Variants in FMN1 observed in about 807,000 individuals in gnomAD.
FMN1 encodes the protein formin 1, also known as formin-1.
In FMN1, 110 loss-of-function variants were observed where a neutral mutation model predicts 132.4. The observed-to-expected ratio is 0.83, with a 90% CI of 0.71 to 0.97. FMN1 has a LOEUF of 0.97. Ranked by LOEUF, FMN1 falls within the 50% of genes least tolerant of loss-of-function variation. FMN1 has a pLI of 0.00. For missense variants in FMN1, 1,792 were observed against 1,705.3 expected, an observed-to-expected ratio of 1.05 and a Z score of -0.90; for synonymous variants, 722 against 651.7, an observed-to-expected ratio of 1.11 and a Z score of -1.64.
intron 7 of FMN1, among the ~76,000 whole-genome samples, chr15:33,000,068 A>AAAC (rs1199652479): frequency 6.6e-6 from 1 of 152,182 alleles, no homozygotes; most frequent in Admixed American, 6.5e-5. Context: ...CTGAAAACCT[A>AAAC]AACACATTGC....
At chr15:32,994,098 A>G (rs529739575) in intron 7 of FMN1, among the ~76,000 whole-genome samples, 1 of 152,176 alleles carries the variant, frequency 6.6e-6, no homozygotes, top group East Asian at 1.9e-4. Flanking sequence ...GCCATCATCG[A>G]TCAGTGAGAT....
intron 19 of FMN1, among the ~76,000 whole-genome samples, chr15:32,785,158 G>A (rs934461580): frequency 6.9e-5 from 6 of 87,524 alleles, no homozygotes; most frequent in Non-Finnish European, 1.2e-4. Flanking sequence ...GTGTGTATAC[G>A]TACGTGTGTG....
intron 4 of FMN1, among the ~76,000 whole-genome samples, chr15:33,102,776 G>A (rs754250898): frequency 6.6e-6 from 1 of 152,032 alleles, no homozygotes; most frequent in African/African-American, 2.4e-5. Flanking sequence ...ACTGACATTG[G>A]TTTTATTTCA....
chr15:32,954,045 G>C (rs1284112458), intron 9 of FMN1, among the ~76,000 whole-genome samples: 1 of 152,138 alleles, frequency 6.6e-6, no homozygotes, highest in Non-Finnish European at 1.5e-5. Flanking sequence ...TAGAAGTTAA[G>C]GTCAGAGGGG....
At chr15:32,926,314 T>C in intron 9 of FMN1, 53 bp from the exon 10 acceptor site, 1 of 1,021,518 alleles carries the variant, frequency 9.8e-7, no homozygotes, top group South Asian at 1.6e-5. Flanking sequence ...CCATGCAGTC[T>C]TTCAGGACGC....
chr15:32,835,215 T>TCA (rs1356101299), intron 17 of FMN1, among the ~76,000 whole-genome samples: 1 of 152,176 alleles, frequency 6.6e-6, no homozygotes, highest in African/African-American at 2.4e-5. Context: ...GACCACGTAA[T>TCA]CACAGATACT....
At chr15:33,065,621 ATG>A (rs1439989604) in intron 5 of FMN1, among the ~76,000 whole-genome samples, 1 of 152,218 alleles carries the variant, frequency 6.6e-6, no homozygotes, top group African/African-American at 2.4e-5. Context: ...AACTAGGAGA[ATG>A]TTATATTGTG....
chr15:32,930,509 T>A (rs371014600), intron 9 of FMN1, among the ~76,000 whole-genome samples: 3 of 152,138 alleles, frequency 2.0e-5, no homozygotes, highest in African/African-American at 7.2e-5. Flanking sequence ...ATGTTGAGCA[T>A]CTTTTCCTTA....
At chr15:32,887,370 G>A (rs2059921034) in intron 16 of FMN1, among the ~76,000 whole-genome samples, 1 of 152,098 alleles carries the variant, frequency 6.6e-6, no homozygotes, top group Non-Finnish European at 1.5e-5. Flanking sequence ...TCCAAGGCAA[G>A]TATTTATATT....
intron 12 of FMN1, among the ~76,000 whole-genome samples, chr15:32,902,965 G>T (rs181907466): frequency 6.6e-6 from 1 of 152,156 alleles, no homozygotes; most frequent in African/African-American, 2.4e-5. Context: ...AACTCATAAC[G>T]TCATTACCAA....
intron 17 of FMN1, among the ~76,000 whole-genome samples, chr15:32,819,886 A>C (rs1445185692): frequency 3.3e-5 from 5 of 152,208 alleles, no homozygotes; most frequent in Non-Finnish European, 7.3e-5. Context: ...TGAAATTAAA[A>C]ATGTAAATGT....
chr15:32,985,932 C>T (rs1255827169), intron 7 of FMN1, among the ~76,000 whole-genome samples: 2 of 152,060 alleles, frequency 1.3e-5, no homozygotes, highest in Non-Finnish European at 2.9e-5. Context: ...ACTTCAATAA[C>T]ATTAAGGGGC....
At chr15:33,010,206 A>T (rs535658075) in intron 6 of FMN1, among the ~76,000 whole-genome samples, 11 of 152,316 alleles carry the variant, frequency 7.2e-5, no homozygotes, top group African/African-American at 2.4e-4. Flanking sequence ...AGTCAGTCTC[A>T]GAAGGCCAAC....
intron 4 of FMN1, among the ~76,000 whole-genome samples, chr15:33,116,713 A>G (rs1481753327): frequency 6.6e-6 from 1 of 152,032 alleles, no homozygotes; most frequent in Non-Finnish European, 1.5e-5. Context: ...TGAAGCCCAA[A>G]CATGATTATA....
chr15:32,967,867 AAAATGTGTC>A (rs1209741760), intron 8 of FMN1, among the ~76,000 whole-genome samples: 7 of 152,264 alleles, frequency 4.6e-5, no homozygotes, highest in Admixed American at 1.3e-4. Context: ...GAAAAGCTGT[AAAATGTGTC>A]CTATATTTGC....
intron 5 of FMN1, among the ~76,000 whole-genome samples, chr15:33,077,387 T>C (rs2038257550): frequency 6.7e-6 from 1 of 148,688 alleles, no homozygotes; most frequent in African/African-American, 2.5e-5. Flanking sequence ...TATTATACTT[T>C]AAGTTCTAGG....
chr15:33,002,275 T>C (rs1402310479), intron 7 of FMN1, among the ~76,000 whole-genome samples: 1 of 152,164 alleles, frequency 6.6e-6, no homozygotes, highest in Non-Finnish European at 1.5e-5. Flanking sequence ...CCATAACTTG[T>C]ATATGGAGAA....
intron 3 of FMN1, among the ~76,000 whole-genome samples, chr15:33,170,004 G>A (rs376486739): frequency 6.6e-5 from 10 of 152,028 alleles, no homozygotes; most frequent in Non-Finnish European, 1.3e-4. Context: ...GAAGAAAGAC[G>A]CATTTAGCTG....
At chr15:32,964,038 C>CACACACACACAT in intron 9 of FMN1, 69 bp downstream of exon 9, 1 of 1,125,830 alleles carries the variant, frequency 8.9e-7, no homozygotes. Context: ...CACACACACA[C>CACACACACACAT]ACACACACAC....
Sources: gnomAD v4.1 joint callset for allele counts (sites outside exome capture counted in the v4.1 genomes callset) on GRCh38, gnomAD v4.1.1 for gene constraint, MANE v1.5 for transcripts, NCBI Gene and HGNC (gene_info 2026-07-23, HGNC 2026-07-21) for gene names.